Variants in CDH13 observed in about 807,000 individuals in gnomAD.
The protein encoded by CDH13 is cadherin-13.
CDH13 carries 24 observed loss-of-function variants against 63.8 expected under a neutral mutation model. The ratio of observed to expected loss-of-function variants is 0.38; its 90% CI spans 0.27 to 0.53. CDH13 has a LOEUF of 0.53. Ranked by LOEUF, CDH13 falls within the 20% of genes least tolerant of loss-of-function variation. The pLI is 0.85. For synonymous variants in CDH13, 503 were observed against 355.3 expected (o/e 1.42, Z -4.67); for missense variants, 1,049 against 903.1 (o/e 1.16, Z -2.07).
chr16:82,798,861 C>T (rs1359732716), intron 1 of CDH13, among the ~76,000 whole-genome samples: 1 of 152,076 alleles, frequency 6.6e-6, no homozygotes, highest in Non-Finnish European at 1.5e-5. Flanking sequence ...AAATGGATAT[C>T]TTATTTAATA....
chr16:82,945,668 C>G (rs16958912), intron 2 of CDH13, among the ~76,000 whole-genome samples: 15,953 of 152,126 alleles, frequency 0.1, 1,684 homozygotes, highest in African/African-American at 0.27. Flanking sequence ...TAAACTCCCT[C>G]TTCTATACTA....
At chr16:83,614,240 G>A (rs1270470903) in intron 8 of CDH13, among the ~76,000 whole-genome samples, 1 of 152,200 alleles carries the variant, frequency 6.6e-6, no homozygotes, top group African/African-American at 2.4e-5. Context: ...GTCTGAGATG[G>A]AGTTGGTTTG....
intron 3 of CDH13, among the ~76,000 whole-genome samples, chr16:83,056,424 AT>A (rs1311381582): frequency 6.6e-6 from 1 of 152,074 alleles, no homozygotes; most frequent in Non-Finnish European, 1.5e-5. Flanking sequence ...AAATGGATAA[AT>A]TTTGGCACAT....
chr16:83,290,787 C>T (rs569973078), intron 5 of CDH13, among the ~76,000 whole-genome samples: 26 of 152,248 alleles, frequency 1.7e-4, no homozygotes, highest in African/African-American at 5.5e-4. Flanking sequence ...TGTCCATGCA[C>T]GTGCACTTTT....
intron 6 of CDH13, among the ~76,000 whole-genome samples, chr16:83,376,203 C>T (rs776026943): frequency 2.6e-5 from 4 of 152,130 alleles, no homozygotes; most frequent in Non-Finnish European, 2.9e-5. Flanking sequence ...GTATTGTTCC[C>T]ATGTAACTCC....
intron 2 of CDH13, among the ~76,000 whole-genome samples, chr16:82,933,140 T>A (rs1412196890): frequency 6.6e-6 from 1 of 152,148 alleles, no homozygotes; most frequent in Non-Finnish European, 1.5e-5. Flanking sequence ...TAGTCCATTC[T>A]CATGCAGCCA....
chr16:83,032,310 G>A (rs1033373638), intron 3 of CDH13, 92 bp downstream of exon 3: 2 of 916,986 alleles, frequency 2.2e-6, no homozygotes, highest in Non-Finnish European at 3.3e-6. Context: ...TTATTATGTT[G>A]GCTAAGATTC....
chr16:83,482,284 A>T (rs2073788661), intron 6 of CDH13, among the ~76,000 whole-genome samples: 1 of 152,240 alleles, frequency 6.6e-6, no homozygotes, highest in Admixed American at 6.5e-5. Context: ...TGAACACAAC[A>T]GTCTATACCC....
intron 7 of CDH13, among the ~76,000 whole-genome samples, chr16:83,555,123 T>C (rs754236112): frequency 6.6e-6 from 1 of 152,190 alleles, no homozygotes; most frequent in South Asian, 2.1e-4. Context: ...CGAGCTACTT[T>C]GGTACTTCAT....
chr16:82,858,372 T>A lies in CDH13; in HGVS notation c.56T>A (p.Leu19Gln). Residue 19 changes from leucine to glutamine, a missense_variant, in exon 2 of 14, where the codon CTA becomes CAA. Physicochemically the swap from Leu to Gln is moderately radical, Grantham distance 113. Transcript: ENST00000567109. ...CTTTGGTTTTCTCAGGTGCTGCTGCTAACATCTGCAGAAGATTTGGACTGC... is the reference window on the plus strand; with the variant it reads ...CTTTGGTTTTCTCAGGTGCTGCTGCAAACATCTGCAGAAGATTTGGACTGC... ...LCVLLSQVLL[L>Q]TSAEDLDCTP... 6.2e-7 allele frequency: 1 copy of A among 1,611,628 alleles called. No individual in the cohort carries two copies. The highest frequency in any genetic ancestry group is 8.5e-7 in the Non-Finnish European group (1 of 1,177,788).
intron 1 of CDH13, among the ~76,000 whole-genome samples, chr16:82,685,968 A>G (rs1915028498): frequency 6.6e-6 from 1 of 152,206 alleles, no homozygotes; most frequent in African/African-American, 2.4e-5. Context: ...ATGAATAGGC[A>G]CAGAGAGCTG....
chr16:82,709,625 C>G (rs575630302), intron 1 of CDH13, among the ~76,000 whole-genome samples: 1 of 152,180 alleles, frequency 6.6e-6, no homozygotes, highest in Non-Finnish European at 1.5e-5. Context: ...GTATTTGGCC[C>G]AGCGACTGCG....
intron 11 of CDH13, among the ~76,000 whole-genome samples, chr16:83,755,352 G>A (rs1913420673): frequency 6.6e-6 from 1 of 152,120 alleles, no homozygotes; most frequent in Admixed American, 6.6e-5. Flanking sequence ...GTTACAGAAG[G>A]ATAGGAGAGT....
At chr16:83,095,490 T>C (rs1452113990) in intron 3 of CDH13, among the ~76,000 whole-genome samples, 2 of 152,240 alleles carry the variant, frequency 1.3e-5, no homozygotes, top group African/African-American at 4.8e-5. Flanking sequence ...TGGACACTGG[T>C]ATATCCTCTC....
chr16:83,650,732 C>T (rs962407697), intron 8 of CDH13, among the ~76,000 whole-genome samples: 3 of 151,946 alleles, frequency 2.0e-5, no homozygotes, highest in Admixed American at 6.6e-5. Context: ...GTGGCGAGGT[C>T]GAAAGACTCT....
At position 82,964,435 on chromosome 16, in the gene CDH13, C is replaced by T. The variant is rs113718722; in HGVS notation, c.158-67575C>T. ...GGTAGCCCTCTTAAAAAGCAGACAG[C>T]GGCTTAGCCCATTAAACCTCCAGGG... On this transcript the variant is annotated intron_variant, in intron 2 of 13. Transcript: ENST00000567109. 5.3e-5 allele frequency among the ~76,000 whole-genome samples: 8 copies of T among 152,124 alleles called. No homozygotes were observed. In the East Asian group the frequency reaches 1.2e-3, roughly 22 times the overall value.
At position 82,867,852 on chromosome 16, in the gene CDH13, G is replaced by C. The variant is rs1005672351; in HGVS notation, c.157+9379G>C. On this transcript the variant is annotated intron_variant, in intron 2 of 13. Coordinates refer to ENST00000567109, the MANE Select transcript of CDH13 (RefSeq NM_001257.5). ...GATGAACTTTGCAGCCTCACAGGTG[G>C]AGAATTGCCTGTTTCCTGAGTTCAA... Among the ~76,000 whole-genome samples the C allele has an allele frequency of 2.6e-5, 4 of 152,198 alleles. No individual in the cohort carries two copies. The South Asian group carries it at 6.2e-4, about 24-fold the overall frequency.
intron 2 of CDH13, among the ~76,000 whole-genome samples, chr16:82,992,268 G>A (rs78625854): frequency 0.019 from 2,909 of 152,262 alleles, 39 homozygotes; most frequent in South Asian, 0.031. Flanking sequence ...AGCTTGGCCT[G>A]AAATCAGCAG....
intron 4 of CDH13, among the ~76,000 whole-genome samples, chr16:83,142,228 T>C (rs1348491229): frequency 1.4e-5 from 2 of 147,844 alleles, no homozygotes; most frequent in Non-Finnish European, 3.0e-5. Context: ...TGGTGTAATC[T>C]CAGCTCACCA....
Sources: allele counts gnomAD v4.1 joint callset (sites outside exome capture counted in the v4.1 genomes callset), GRCh38; gene constraint gnomAD v4.1.1; transcripts MANE v1.5; gene names NCBI Gene and HGNC (gene_info 2026-07-23, HGNC 2026-07-21).